Variants in HMCN1 observed in about 807,000 individuals in gnomAD.
The protein encoded by HMCN1 is hemicentin-1.
In HMCN1, 321 loss-of-function variants were observed where a neutral mutation model predicts 625.9. That is an observed-to-expected ratio of 0.51 (90% CI 0.47 to 0.56). HMCN1 has a LOEUF of 0.56. Among genes scored for constraint, HMCN1 ranks in the 20% least tolerant of loss-of-function variants. HMCN1 has a pLI of 0.00. For missense variants in HMCN1, 6,588 were observed against 6,887.3 expected (o/e 0.96, Z 1.54); for synonymous variants, 2,425 against 2,417.6 (o/e 1.00, Z -0.09).
intron 1 of HMCN1, among the ~76,000 whole-genome samples, chr1:185,816,435 C>T (rs1659849985): frequency 6.6e-6 from 1 of 152,194 alleles, no homozygotes; most frequent in Non-Finnish European, 1.5e-5. Context: ...CTTGTATGCT[C>T]ATCCCATTGT....
chr1:185,983,155 C>T (rs1335894145), intron 18 of HMCN1, among the ~76,000 whole-genome samples: 1 of 151,836 alleles, frequency 6.6e-6, no homozygotes, highest in African/African-American at 2.4e-5. Context: ...TATATATTGT[C>T]ATTGTTTTTC....
At chr1:185,988,697 C>T (rs905989376) in intron 20 of HMCN1, among the ~76,000 whole-genome samples, 4 of 152,160 alleles carry the variant, frequency 2.6e-5, no homozygotes, top group African/African-American at 9.7e-5. Flanking sequence ...AACTTGGGCT[C>T]TAGAGCCTCG....
chr1:186,152,986 C>A, intron 96 of HMCN1, 115 bp downstream of exon 96: 2 of 1,332,612 alleles, frequency 1.5e-6, no homozygotes, highest in Non-Finnish European at 2.1e-6. Context: ...TCCAAACTAC[C>A]AAGGCTATAA....
At position 186,048,768 on chromosome 1, in the gene HMCN1, C is replaced by T. The variant is rs759085312; in HGVS notation, c.6506C>T (p.Thr2169Ile). Residue 2169 changes from threonine (T) to isoleucine (I), a missense_variant, in exon 42 of 107, where the codon ACT becomes ATT. This residue lies in a region of HMCN1 where 4,628 missense variants were observed against 4,853.1 expected (regional missense o/e 0.95). Transcript: ENST00000271588. ...LKIEDAQVQDTGRYTCEATNV... is the reference protein window; with the variant it reads ...LKIEDAQVQDIGRYTCEATNV... ...ATTGAAGATGCTCAGGTTCAAGACACTGGTCGTTACACTTGTGAAGCAACA... is the reference window on the plus strand; with the variant it reads ...ATTGAAGATGCTCAGGTTCAAGACATTGGTCGTTACACTTGTGAAGCAACA... 1.9e-6 allele frequency: 3 copies of T among 1,610,386 alleles called. No individual in the cohort carries two copies.
chr1:186,110,668 A>T (rs1328275792), intron 71 of HMCN1, among the ~76,000 whole-genome samples: 1 of 152,172 alleles, frequency 6.6e-6, no homozygotes, highest in Non-Finnish European at 1.5e-5. Context: ...GAGATTGGAG[A>T]CAGAGGAGAG....
chr1:185,988,181 A>C (rs1051410941), intron 20 of HMCN1, among the ~76,000 whole-genome samples: 2 of 152,228 alleles, frequency 1.3e-5, no homozygotes, highest in African/African-American at 4.8e-5. Flanking sequence ...ATAGTCACAA[A>C]TTCTATGTAT....
At position 186,144,301 on chromosome 1, in the gene HMCN1, G is replaced by A; in HGVS notation, c.14053G>A (p.Ala4685Thr). 1 of 1,613,996 alleles carries A rather than the reference G, an allele frequency of 6.2e-7. No homozygotes were observed. The highest frequency in any genetic ancestry group is 8.5e-7 in the Non-Finnish European group (1 of 1,179,996). ...GTTTGGTGGGTCCTACTGTGATGGA[G>A]CAGAAACACAGATGCAAGTTTGCAA... ...PAFGGSYCDGAETQMQVCNER... is the reference protein window; with the variant it reads ...PAFGGSYCDGTETQMQVCNER... Residue 4685 changes from alanine to threonine, a missense_variant, in exon 90 of 107, where the codon GCA becomes ACA. Around this residue, in one of 3 missense-constraint regions of HMCN1, gnomAD observed 1,954 missense variants for 2,013.1 expected, o/e 0.97. Coordinates refer to ENST00000271588, the MANE Select transcript of HMCN1 (RefSeq NM_031935.3).
At chr1:185,870,899 A>T (rs565719783) in intron 4 of HMCN1, among the ~76,000 whole-genome samples, 1 of 152,044 alleles carries the variant, frequency 6.6e-6, no homozygotes, top group African/African-American at 2.4e-5. Context: ...CCCAAATCCA[A>T]CTGGAAGCTA....
intron 1 of HMCN1, among the ~76,000 whole-genome samples, chr1:185,763,052 A>G (rs1197344735): frequency 6.6e-6 from 1 of 152,126 alleles, no homozygotes; most frequent in Non-Finnish European, 1.5e-5. Context: ...TCTGAGTGAG[A>G]TTGTCCAGAA....
rs1351710707 is a variant in HMCN1, at chr1:185,783,033, C to G, written c.268+47986C>G. On this transcript the variant is annotated intron_variant, in intron 1 of 106. Transcript: ENST00000271588. ...CATATAGTCCCATATTTCCTGGAGA[C>G]TTTGTTCGTTTATTTTTACTCTTTT... 2.6e-5 allele frequency among the ~76,000 whole-genome samples: 4 copies of G among 152,274 alleles called. No homozygotes were observed. In the East Asian group the frequency reaches 7.7e-4, roughly 29 times the overall value.
chr1:185,909,415 A>G lies in HMCN1; in HGVS notation c.700A>G (p.Asn234Asp), dbSNP rs781187374. The G allele has an allele frequency of 1.4e-5, 23 of 1,613,502 alleles. No individual in the cohort carries two copies. Among genetic ancestry groups the G allele is most frequent in the Non-Finnish European group, 1.6e-5 (19 of 1,179,612 alleles). Residue 234 changes from asparagine (N) to aspartate (D), a missense_variant, in exon 5 of 107, where the codon AAT (asparagine) becomes GAT (aspartate). Coordinates refer to ENST00000271588, the MANE Select transcript of HMCN1 (RefSeq NM_031935.3). ...LSTDHLEQAV[N>D]TWRIPFDPSL... ...CACAGATCATTTGGAACAGGCTGTA[A>G]ATACTTGGAGAATTCCTTTTGATCC... is the stretch of plus-strand genomic sequence containing the variant.
chr1:185,960,180 G>A (rs1379615356), intron 11 of HMCN1, among the ~76,000 whole-genome samples: 5 of 144,860 alleles, frequency 3.5e-5, no homozygotes, highest in Non-Finnish European at 7.5e-5. Flanking sequence ...CCAGGCTGGA[G>A]CTCAGTGGTG....
intron 89 of HMCN1, among the ~76,000 whole-genome samples, chr1:186,142,538 G>A (rs1391303447): frequency 6.6e-6 from 1 of 152,068 alleles, no homozygotes; most frequent in African/African-American, 2.4e-5. Context: ...GGGATTGCAG[G>A]GTCAAATGGT....
Position 186,145,442 on chromosome 1 carries a change from G to A in HMCN1, c.14306G>A (p.Cys4769Tyr). 1 of 1,599,350 alleles carries A rather than the reference G, an allele frequency of 6.3e-7. No homozygotes were observed. The highest frequency in any genetic ancestry group is 8.5e-7 in the Non-Finnish European group (1 of 1,171,646). ...NWSPWSGWGT[C>Y]SRTCNGGQMR... ...AGTCCTTGGAGTGGCTGGGGAACAT[G>A]CAGCCGGACGTGTAACGGAGGGCAG... Residue 4769 changes from cysteine (C) to tyrosine (Y), a missense_variant, in exon 92 of 107, where the codon TGC becomes TAC. Cys to Tyr is a radical substitution (Grantham distance 194). Coordinates refer to ENST00000271588, the MANE Select transcript of HMCN1 (RefSeq NM_031935.3).
At position 186,016,129 on chromosome 1, in the gene HMCN1, G is replaced by C. The variant is rs200295983; in HGVS notation, c.5081G>C (p.Gly1694Ala). The C allele has an allele frequency of 1.9e-6, 3 of 1,613,410 alleles. No individual in the cohort carries two copies. The highest frequency in any genetic ancestry group is 1.7e-5 in the Admixed American group (1 of 59,930). The change falls in exon 32 of 107, where the codon GGG becomes GCG. Residue 1694 changes from glycine to alanine, a missense_variant. Transcript: ENST00000271588. ...ANDNIRIEAG[G>A]KKLEIMSAQE... ...GACAATATCCGCATAGAAGCTGGTG[G>C]GAAGAAACTCGAAATCATGAGTGCC...
At chr1:186,045,020 CA>C (rs1479167068) in intron 40 of HMCN1, among the ~76,000 whole-genome samples, 1 of 152,112 alleles carries the variant, frequency 6.6e-6, no homozygotes, top group Non-Finnish European at 1.5e-5. Flanking sequence ...AATTTCTACT[CA>C]TTCCTCTTCT....
chr1:185,974,886 A>T (rs894676154), intron 15 of HMCN1, among the ~76,000 whole-genome samples: 15 of 152,048 alleles, frequency 9.9e-5, no homozygotes, highest in African/African-American at 3.6e-4. Flanking sequence ...GTTGGTACAG[A>T]TTGAGGTTTG....
chr1:185,797,621 A>G (rs1344072416), intron 1 of HMCN1, among the ~76,000 whole-genome samples: 1 of 152,170 alleles, frequency 6.6e-6, no homozygotes, highest in Non-Finnish European at 1.5e-5. Flanking sequence ...TCCTGTCATA[A>G]TGTTAATTGT....
intron 34 of HMCN1, 41 bp from the exon 35 acceptor site, chr1:186,019,500 T>C (rs770977660): frequency 2.0e-6 from 3 of 1,502,180 alleles, no homozygotes; most frequent in Admixed American, 3.4e-5. Flanking sequence ...TCGACCTCAC[T>C]GATTATGGTT....
Sources: allele counts gnomAD v4.1 joint callset (sites outside exome capture counted in the v4.1 genomes callset), GRCh38; gene constraint gnomAD v4.1.1; regional missense constraint gnomAD v4.1.1; transcripts MANE v1.5; gene names NCBI Gene and HGNC (gene_info 2026-07-23, HGNC 2026-07-21).